The following INTS15 variants were observed in gnomAD, a reference collection of about 807,000 sequenced individuals.
INTS15 encodes the protein integrator complex subunit 15.
At chr7:6,596,976 C>T in the INTS15 span, among the ~76,000 whole-genome samples, 3 of 152,068 alleles carry the variant, frequency 2.0e-5, no homozygotes, top group African/African-American at 7.2e-5. Flanking sequence ...GATGGGGTTT[C>T]ACCGTGTTAG....
the INTS15 span, chr7:6,599,775 C>T: frequency 2.6e-6 from 4 of 1,559,278 alleles, no homozygotes; most frequent in Admixed American, 3.5e-5. Flanking sequence ...CTCCACTTCC[C>T]GCCCCTGTCC....
chr7:6,600,388 G>T, the INTS15 span: 6 of 1,586,508 alleles, frequency 3.8e-6, no homozygotes, highest in Non-Finnish European at 5.1e-6. Flanking sequence ...GCCTCCTGGT[G>T]CGGGGACACC....
the INTS15 span, chr7:6,602,222 C>G: frequency 7.2e-6 from 9 of 1,244,028 alleles, no homozygotes; most frequent in East Asian, 1.9e-4. Context: ...CCCCTTTGTC[C>G]TGGGTTCTTT....
the INTS15 span, chr7:6,608,619 C>G: frequency 7.0e-5 from 50 of 712,934 alleles, no homozygotes; most frequent in Non-Finnish European, 8.5e-5. Context: ...CAGCACTGCT[C>G]AGGGAGGCTG....
chr7:6,592,844 A>G, the INTS15 span, among the ~76,000 whole-genome samples: 2 of 152,230 alleles, frequency 1.3e-5, no homozygotes, highest in East Asian at 3.9e-4. Flanking sequence ...TCCTGAGGTC[A>G]AGCGATCCTC....
the INTS15 span, chr7:6,607,916 TC>T: frequency 6.3e-7 from 1 of 1,593,318 alleles, no homozygotes. This position sits in a 1 kb window ranked among gnomAD's most constrained non-coding sequence, Gnocchi z 6.0. Context: ...ACCTGCGGAG[TC>T]CCCGGAGCCC....
At chr7:6,604,803 C>T in the INTS15 span, among the ~76,000 whole-genome samples, 1 of 152,196 alleles carries the variant, frequency 6.6e-6, no homozygotes, top group South Asian at 2.1e-4. Flanking sequence ...CTCACTCTGC[C>T]AGGTTCTGCA....
At chr7:6,595,459 C>T in the INTS15 span, among the ~76,000 whole-genome samples, 2 of 152,274 alleles carry the variant, frequency 1.3e-5, no homozygotes, top group East Asian at 3.9e-4. Context: ...CCATTGCACC[C>T]AGCCTGAAAT....
chr7:6,603,788 A>G, the INTS15 span, among the ~76,000 whole-genome samples: 1 of 152,152 alleles, frequency 6.6e-6, no homozygotes. Context: ...GTAGTGAGCC[A>G]AGACCGCACC....
the INTS15 span, chr7:6,602,406 G>GCACC: frequency 2.0e-6 from 1 of 495,038 alleles, no homozygotes; most frequent in Non-Finnish European, 3.6e-6. Context: ...TGAGTGGTGG[G>GCACC]TGTGGCGCAG....
At chr7:6,600,887 T>C in the INTS15 span, among the ~76,000 whole-genome samples, 1 of 152,184 alleles carries the variant, frequency 6.6e-6, no homozygotes, top group Non-Finnish European at 1.5e-5. Context: ...TGGTGCCACC[T>C]CTACCATCCA....
the INTS15 span, among the ~76,000 whole-genome samples, chr7:6,596,570 G>A: frequency 6.6e-6 from 1 of 151,280 alleles, no homozygotes; most frequent in South Asian, 2.1e-4. Context: ...GTAGAGATGG[G>A]GTTTCACCAT....
the INTS15 span, among the ~76,000 whole-genome samples, chr7:6,601,460 TAA>T: frequency 3.3e-5 from 5 of 152,012 alleles, no homozygotes; most frequent in Non-Finnish European, 7.4e-5. Context: ...CACGTCTGGC[TAA>T]TTTTTGTATT....
the INTS15 span, among the ~76,000 whole-genome samples, chr7:6,601,500 C>G: frequency 6.6e-6 from 1 of 151,202 alleles, no homozygotes; most frequent in Non-Finnish European, 1.5e-5. Flanking sequence ...TTCACCATGT[C>G]GGCCAGGATG....
chr7:6,605,066 C>T, the INTS15 span, among the ~76,000 whole-genome samples: 5 of 152,096 alleles, frequency 3.3e-5, no homozygotes, highest in African/African-American at 9.7e-5. Context: ...GATATCAGCT[C>T]ACTGCAACCT....
the INTS15 span, chr7:6,608,076 A>ACCCCC: frequency 1.0e-5 from 12 of 1,143,476 alleles, no homozygotes; most frequent in African/African-American, 2.4e-5. Context: ...GTCCCGGCCC[A>ACCCCC]CCCCGCCGCC....
chr7:6,594,381 G>A, the INTS15 span: 3 of 1,587,028 alleles, frequency 1.9e-6, no homozygotes, highest in Non-Finnish European at 2.6e-6. Context: ...CATAGTTGCT[G>A]GTCTACTCAC....
chr7:6,604,139 G>A, the INTS15 span, among the ~76,000 whole-genome samples: 1 of 152,080 alleles, frequency 6.6e-6, no homozygotes, highest in African/African-American at 2.4e-5. Context: ...GCAGTGGCAC[G>A]ATCTCGGCTC....
the INTS15 span, chr7:6,599,801 CT>C: frequency 1.9e-6 from 3 of 1,604,150 alleles, no homozygotes; most frequent in Non-Finnish European, 2.6e-6. Flanking sequence ...GCCAAGAGTG[CT>C]CCTGACCTAA....
Sources: allele counts gnomAD v4.1 joint callset (sites outside exome capture counted in the v4.1 genomes callset), GRCh38; gene constraint gnomAD v4.1.1; non-coding constraint Gnocchi (gnomAD v3.1); transcripts MANE v1.5; gene names NCBI Gene and HGNC (gene_info 2026-07-23, HGNC 2026-07-21).